NUP98: variants seen among roughly 807,000 people sequenced by gnomAD.
NUP98 encodes the protein nucleoporin 98 and 96 precursor.
Under a neutral mutation model 191.9 loss-of-function variants are expected in NUP98, and 26 were observed. The observed-to-expected ratio is 0.14, with a 90% CI of 0.10 to 0.19. NUP98 has a LOEUF of 0.19. Among genes scored for constraint, NUP98 ranks in the 10% least tolerant of loss-of-function variants. The probability of loss-of-function intolerance (pLI) is 1.00; values close to 1 mark genes in which losing one functional copy is unlikely to be tolerated. For missense variants in NUP98, 1,941 were observed against 2,178.8 expected, an observed-to-expected ratio of 0.89 and a Z score of 2.17; for synonymous variants, 808 against 778.4, an observed-to-expected ratio of 1.04 and a Z score of -0.63.
intron 1 of NUP98, among the ~76,000 whole-genome samples, chr11:3,789,218 G>C (rs137883564): frequency 6.6e-6 from 1 of 152,152 alleles, no homozygotes; most frequent in Non-Finnish European, 1.5e-5. Context: ...TATTTTACAG[G>C]TATTTATAAT....
chr11:3,710,588 G>C (rs569091633), intron 20 of NUP98, among the ~76,000 whole-genome samples: 21 of 152,252 alleles, frequency 1.4e-4, no homozygotes, highest in African/African-American at 3.9e-4. Context: ...CCTCTTTAAG[G>C]GGTGAGGTGA....
chr11:3,676,438 G>A, intron 32 of NUP98, 62 bp from the exon 33 acceptor site: 1 of 1,602,454 alleles, frequency 6.2e-7, no homozygotes, highest in Non-Finnish European at 8.6e-7. Context: ...GGTAGGCACT[G>A]AGGGTGGGGT....
chr11:3,716,565 C>T (rs993155041), intron 18 of NUP98, among the ~76,000 whole-genome samples: 17 of 150,644 alleles, frequency 1.1e-4, no homozygotes, highest in African/African-American at 3.9e-4. Flanking sequence ...AAAAATTAGC[C>T]GGGCGTGGTG....
intron 6 of NUP98, 73 bp from the exon 7 acceptor site, chr11:3,772,001 G>T: frequency 1.6e-6 from 2 of 1,271,262 alleles, no homozygotes; most frequent in Non-Finnish European, 2.2e-6. Context: ...CTAAATACTT[G>T]AATTTAGTAT....
At chr11:3,761,040 C>T (rs1346272960) in intron 9 of NUP98, among the ~76,000 whole-genome samples, 2 of 152,172 alleles carry the variant, frequency 1.3e-5, no homozygotes, top group East Asian at 1.9e-4. Flanking sequence ...CTTGAAAATG[C>T]TATGCTAAGT....
At chr11:3,738,403 G>C (rs1448899731) in intron 12 of NUP98, among the ~76,000 whole-genome samples, 1 of 152,114 alleles carries the variant, frequency 6.6e-6, no homozygotes. Flanking sequence ...AAAGGGATAG[G>C]GAAAAGTACA....
At chr11:3,737,734 C>G (rs1484340181) in intron 12 of NUP98, among the ~76,000 whole-genome samples, 1 of 152,098 alleles carries the variant, frequency 6.6e-6, no homozygotes, top group African/African-American at 2.4e-5. Context: ...TACTAAAACA[C>G]CGTACATTCA....
chr11:3,727,638 G>A lies in NUP98; in HGVS notation c.1731-2419C>T, dbSNP rs570860394. Among the ~76,000 whole-genome samples, 8 of 152,090 alleles carry A rather than the reference G, an allele frequency of 5.3e-5. No homozygotes were observed. The South Asian group carries it at 6.3e-4, about 12-fold the overall frequency. ...GCACTTCAGGAGGCCAAGGTGGGGG[G>A]ATTGCTTGAGCCCAGGAGTTCAAGA... is the stretch of plus-strand genomic sequence containing the variant. On this transcript the variant is annotated intron_variant, in intron 14 of 32. Coordinates refer to ENST00000324932, the MANE Select transcript of NUP98 (RefSeq NM_016320.5).
chr11:3,797,273 A>G (rs1400803537), intron 1 of NUP98, 127 bp downstream of exon 1: 7 of 397,006 alleles, frequency 1.8e-5, no homozygotes, highest in Admixed American at 4.4e-5. Context: ...CTCTCAGGCC[A>G]GAAGGTGCGC....
intron 1 of NUP98, among the ~76,000 whole-genome samples, chr11:3,794,150 G>C (rs557221867): frequency 6.6e-6 from 1 of 152,166 alleles, no homozygotes; most frequent in South Asian, 2.1e-4. Flanking sequence ...ATATACAACA[G>C]AGCCCCCACG....
intron 1 of NUP98, among the ~76,000 whole-genome samples, chr11:3,795,771 T>C (rs2082510367): frequency 6.6e-6 from 1 of 152,242 alleles, no homozygotes; most frequent in African/African-American, 2.4e-5. Flanking sequence ...CAAGAAAAGC[T>C]TCCCAGAAGA....
chr11:3,688,656 T>C (rs1444007644), intron 28 of NUP98, among the ~76,000 whole-genome samples: 1 of 148,566 alleles, frequency 6.7e-6, no homozygotes, highest in African/African-American at 2.5e-5. Context: ...TTAGCTGGGC[T>C]TTGTGGCGCA....
intron 18 of NUP98, among the ~76,000 whole-genome samples, chr11:3,717,671 T>C (rs2079235319): frequency 6.6e-6 from 1 of 152,244 alleles, no homozygotes; most frequent in South Asian, 2.1e-4. Context: ...TTATTTTTCT[T>C]GCCTAATTGC....
chr11:3,716,130 A>G (rs961394433), intron 18 of NUP98, among the ~76,000 whole-genome samples: 2 of 152,118 alleles, frequency 1.3e-5, no homozygotes, highest in African/African-American at 4.8e-5. Context: ...TTTTGATGTT[A>G]TATCTGAGAA....
chr11:3,679,594 T>C lies in NUP98; in HGVS notation c.5033A>G (p.Asp1678Gly). ...GAGCATTTCAATGACTCTAATATAG[T>C]CCAGGTAAACAAGCCCAGATGTTTC... ...DWETSGLVYL[D>G]YIRVIEMLRH... The change falls in exon 31 of 33, where the codon GAC becomes GGC. Residue 1678 changes from aspartate (D) to glycine (G), a missense_variant. Coordinates refer to ENST00000324932, the MANE Select transcript of NUP98 (RefSeq NM_016320.5). The C allele has an allele frequency of 6.2e-7, 1 of 1,614,200 alleles. No individual in the cohort carries two copies. The highest frequency in any genetic ancestry group is 1.1e-5 in the South Asian group (1 of 91,086).
rs770200961 is a variant in NUP98, at chr11:3,731,529, G to A, written c.1592C>T (p.Thr531Ile). 1 of 1,604,848 alleles carries A rather than the reference G, an allele frequency of 6.2e-7. No homozygotes were observed. The highest frequency in any genetic ancestry group is 8.5e-7 in the Non-Finnish European group (1 of 1,175,178). Residue 531 changes from threonine (T) to isoleucine (I), a missense_variant, in exon 14 of 33, where the codon ACT becomes ATT. Around this residue, in one of 6 missense-constraint regions of NUP98, gnomAD observed 453 missense variants for 438.2 expected, o/e 1.03. Coordinates refer to ENST00000324932, the MANE Select transcript of NUP98 (RefSeq NM_016320.5). ...AGGGCGGGGTGTCAGTTTATAATGAGTAGGTGTAGTAAGAGCCTTCTGGGC... is the reference window on the plus strand; with the variant it reads ...AGGGCGGGGTGTCAGTTTATAATGAATAGGTGTAGTAAGAGCCTTCTGGGC... ...PAAQKALTTP[T>I]HYKLTPRPAT...
At chr11:3,713,782 G>A (rs369780471) in intron 19 of NUP98, 36 bp downstream of exon 19, 65 of 1,578,516 alleles carry the variant, frequency 4.1e-5, no homozygotes, top group Admixed American at 9.7e-5. Context: ...TCCAAATATA[G>A]TTTATAAAAG....
intron 2 of NUP98, 92 bp downstream of exon 2, chr11:3,781,950 A>C (rs1004007756): frequency 4.7e-5 from 34 of 724,496 alleles, no homozygotes; most frequent in Non-Finnish European, 7.2e-5. Flanking sequence ...GAAAGTAAAA[A>C]TAAAATTCCC....
chr11:3,764,222 G>T (rs1445728710), intron 8 of NUP98, among the ~76,000 whole-genome samples: 1 of 151,906 alleles, frequency 6.6e-6, no homozygotes, highest in Non-Finnish European at 1.5e-5. Flanking sequence ...TTTGGTGACG[G>T]GCTTCTTTCA....
Sources: gnomAD v4.1 joint callset for allele counts (sites outside exome capture counted in the v4.1 genomes callset) on GRCh38, gnomAD v4.1.1 for gene constraint, gnomAD v4.1.1 regional missense constraint, MANE v1.5 for transcripts, NCBI Gene and HGNC (gene_info 2026-07-23, HGNC 2026-07-21) for gene names.